Variants in SLC38A10 observed in about 807,000 individuals in gnomAD.
SLC38A10 encodes the protein Sodium-coupled neutral amino acid transporter 10.
In SLC38A10, 53 loss-of-function variants were observed where a neutral mutation model predicts 81.0. That is an observed-to-expected ratio of 0.65 (90% confidence interval 0.53 to 0.82). The LOEUF (loss-of-function observed/expected upper bound fraction) is 0.82, where lower values mean the gene tolerates loss of function less well. Ranked by LOEUF, SLC38A10 falls within the 40% of genes least tolerant of loss-of-function variation. The probability of loss-of-function intolerance (pLI) is 0.00; values close to 1 mark genes in which losing one functional copy is unlikely to be tolerated. For synonymous variants in SLC38A10, 665 were observed against 655.3 expected (o/e 1.01, Z -0.23); for missense variants, 1,471 against 1,545.0 (o/e 0.95, Z 0.80).
At chr17:81,291,199 G>A (rs750377089) in intron 1 of SLC38A10, among the ~76,000 whole-genome samples, 9 of 151,444 alleles carry the variant, frequency 5.9e-5, no homozygotes, top group African/African-American at 1.5e-4. Context: ...ACATAAGTCC[G>A]GCTGGGCACA....
At position 81,246,423 on chromosome 17, in the gene SLC38A10, G is replaced by A. The variant is rs2062852000; in HGVS notation, c.2493C>T (p.Ala831=). 6.3e-7 allele frequency: 1 copy of A among 1,599,964 alleles called. No homozygotes were observed. The highest frequency in any genetic ancestry group is 8.5e-7 in the Non-Finnish European group (1 of 1,174,328). The change falls in exon 16 of 16, where the codon GCC becomes GCT. Residue 831 remains alanine (A), a synonymous_variant. Transcript: ENST00000374759. ...GPDTEPRAAQ[A]KLRDGQKDAA... ...CATCCTTCTGGCCATCTCTCAGCTTGGCCTGGGCTGCCCGAGGCTCTGTGT... is the reference window on the plus strand; with the variant it reads ...CATCCTTCTGGCCATCTCTCAGCTTAGCCTGGGCTGCCCGAGGCTCTGTGT...
Position 81,250,009 on chromosome 17 carries a change from G to A in SLC38A10, c.2065+1484C>T, listed in dbSNP as rs557803482. 1.8e-4 allele frequency: 224 copies of A among 1,273,706 alleles called. 4 individuals are homozygous for A. In the African/African-American group the frequency reaches 3.0e-3, roughly 17 times the overall value. 78.9% of individuals were successfully genotyped at this position (1,273,706 alleles called of 1,614,324 possible). ...GGCAGGTGTGCCACCGAGGGGCTGCGCTCAGGTCTGTGGCCCGCCAGACAG... is the reference window on the plus strand; with the variant it reads ...GGCAGGTGTGCCACCGAGGGGCTGCACTCAGGTCTGTGGCCCGCCAGACAG... On this transcript the variant is annotated intron_variant, in intron 14 of 15. Transcript: ENST00000374759.
chr17:81,284,697 G>A (rs1003031656), intron 3 of SLC38A10, among the ~76,000 whole-genome samples, 153 bp downstream of exon 3: 18 of 152,074 alleles, frequency 1.2e-4, no homozygotes, highest in Non-Finnish European at 2.5e-4. Flanking sequence ...AACACTGAAG[G>A]GTACAAGTAA....
rs765352390 is a variant in SLC38A10 at position 81,282,299 on chromosome 17, C to A, written c.391G>T (p.Ala131Ser). The stretch of plus-strand genomic sequence containing the variant: ...GGGAGCACGATGCACAGCGACACGG[C>A]GAACAGCAGGAACATGCGGAAGGTG... ...GGTFRMFLLF[A>S]VSLCIVLPLS... The change falls in exon 5 of 16, where the codon GCC (alanine) becomes TCC (serine). Residue 131 changes from alanine (A) to serine (S), a missense_variant. Coordinates refer to ENST00000374759, the MANE Select transcript of SLC38A10 (RefSeq NM_001037984.3). 2 of 1,613,186 alleles carry A rather than the reference C, an allele frequency of 1.2e-6. No individual in the cohort carries two copies. The highest frequency in any genetic ancestry group is 1.7e-6 in the Non-Finnish European group (2 of 1,179,946).
intron 8 of SLC38A10, among the ~76,000 whole-genome samples, chr17:81,275,718 C>T (rs370870317): frequency 2.3e-4 from 20 of 88,574 alleles, no homozygotes; most frequent in African/African-American, 1.6e-3. Flanking sequence ...GGCGACAGAG[C>T]GAAACTCCGT....
Position 81,265,840 on chromosome 17 carries a change from C to T in SLC38A10, c.1131+5078G>A, listed in dbSNP as rs1182315662. Among the ~76,000 whole-genome samples the T allele has an allele frequency of 6.6e-6, 1 of 152,222 alleles. No homozygotes were observed. Among genetic ancestry groups the T allele is most frequent in the Non-Finnish European group, 1.5e-5 (1 of 68,038 alleles). On this transcript the variant is annotated intron_variant, in intron 10 of 15. Coordinates refer to ENST00000374759, the MANE Select transcript of SLC38A10 (RefSeq NM_001037984.3). The surrounding 1 kb of genome is among the most constrained non-coding windows in gnomAD (Gnocchi z 4.2). Reference sequence around the variant, plus strand: ...GGTCCGCTGGCCCCACGACCTACTGCGGAGCCGTAGGAGCGCTGGGGACAG... The same window carrying T: ...GGTCCGCTGGCCCCACGACCTACTGTGGAGCCGTAGGAGCGCTGGGGACAG...
chr17:81,269,695 C>G (rs1319278031), intron 10 of SLC38A10, among the ~76,000 whole-genome samples: 2 of 152,010 alleles, frequency 1.3e-5, no homozygotes, highest in Non-Finnish European at 1.5e-5. Flanking sequence ...AAAAACTTAT[C>G]AGGTTGAGGC....
chr17:81,260,126 C>T (rs889837036), intron 11 of SLC38A10, 112 bp downstream of exon 11: 4 of 1,351,916 alleles, frequency 3.0e-6, no homozygotes, highest in Non-Finnish European at 4.0e-6. Flanking sequence ...GCTGGCTGCA[C>T]CCACACAGGA....
At position 81,272,578 on chromosome 17, in the gene SLC38A10, A is replaced by T. The variant is rs375789096; in HGVS notation, c.962T>A (p.Phe321Tyr). 5.7e-6 allele frequency: 9 copies of T among 1,590,422 alleles called. No individual in the cohort carries two copies. Among genetic ancestry groups the T allele is most frequent in the African/African-American group, 1.4e-5 (1 of 73,586 alleles). ...AAGGYMPPLRFKALTLSVVFG... is the reference protein window; with the variant it reads ...AAGGYMPPLRYKALTLSVVFG... ...CACCACAGAGAGGGTAAGTGCTTTA[A>T]ACCGGAGAGGGGGCATGTAGCCCCC... Residue 321 changes from phenylalanine to tyrosine, a missense_variant, in exon 9 of 16, where the codon TTT becomes TAT. Phe to Tyr is a conservative substitution (Grantham distance 22). Transcript: ENST00000374759.
rs146264195 is a variant in SLC38A10 at position 81,276,104 on chromosome 17, G to C, written c.777C>G (p.Asn259Lys). The C allele has an allele frequency of 6.2e-7, 1 of 1,613,774 alleles. No individual in the cohort carries two copies. The highest frequency in any genetic ancestry group is 8.5e-7 in the Non-Finnish European group (1 of 1,179,910). ...GGTTGGAGGGAAAGTGCATGAGCACGTTGCCGGCCGTGGCCTCGGTGAAGC... is the reference window on the plus strand; with the variant it reads ...GGTTGGAGGGAAAGTGCATGAGCACCTTGCCGGCCGTGGCCTCGGTGAAGC... ...YVSFTEATAG[N>K]VLMHFPSNLV... The change falls in exon 8 of 16, where the codon AAC becomes AAG. Residue 259 changes from asparagine (N) to lysine (K), a missense_variant. Asn to Lys is a moderately conservative substitution (Grantham distance 94). Transcript: ENST00000374759. The surrounding 1 kb of genome is among the most constrained non-coding windows in gnomAD (Gnocchi z 4.7).
Position 81,295,049 on chromosome 17 carries a change from G to A in SLC38A10, c.-128C>T. Reference sequence around the variant, plus strand: ...CGGGACGCCGGTGGGGAGGGGATGGGCAGCCTGAACACGGGAGCCTGAGCA... The same window carrying A: ...CGGGACGCCGGTGGGGAGGGGATGGACAGCCTGAACACGGGAGCCTGAGCA... On this transcript the variant is annotated 5_prime_UTR_variant, in exon 1 of 16. Coordinates refer to ENST00000374759, the MANE Select transcript of SLC38A10 (RefSeq NM_001037984.3). 1.5e-6 allele frequency: 2 copies of A among 1,341,670 alleles called. No homozygotes were observed. The highest frequency in any genetic ancestry group is 1.9e-6 in the Non-Finnish European group (2 of 1,043,390). The allele number at this position is 1,341,670 out of a possible 1,614,324, so 83.1% of individuals were successfully genotyped here. A position where few individuals can be genotyped will look rare whatever the true frequency, so the allele number is the denominator to read the frequency against.
rs1366013859 is a variant in SLC38A10, at chr17:81,286,442, C to G, written c.218-1547G>C. Among the ~76,000 whole-genome samples the G allele has an allele frequency of 3.3e-5, 5 of 152,182 alleles. No homozygotes were observed. Among genetic ancestry groups the G allele is most frequent in the African/African-American group, 4.8e-5 (2 of 41,438 alleles). On this transcript the variant is annotated intron_variant, in intron 2 of 15. Coordinates refer to ENST00000374759, the MANE Select transcript of SLC38A10 (RefSeq NM_001037984.3). The surrounding 1 kb of genome is among the most constrained non-coding windows in gnomAD (Gnocchi z 6.0). ...CCTTCTTTTCCCCACCTGGGCCAAACCCTCACCCGCCATTCCCAGTGTCAA... is the reference window on the plus strand; with the variant it reads ...CCTTCTTTTCCCCACCTGGGCCAAAGCCTCACCCGCCATTCCCAGTGTCAA...
rs1326345595 is a variant in SLC38A10 at position 81,276,247 on chromosome 17, G to GC, written c.730-97dup. ...AGGGCATGGGGGGGACCTGTGCCCT[G>GC]CCCCCCAGAATGGCCTTCAATCCAC... On this transcript the variant is annotated intron_variant, in intron 7 of 15. Transcript: ENST00000374759. This position sits in a 1 kb window ranked among gnomAD's most constrained non-coding sequence, Gnocchi z 4.7. 5.0e-6 allele frequency: 6 copies of GC among 1,195,892 alleles called. No homozygotes were observed. The highest frequency in any genetic ancestry group is 3.1e-5 in the African/African-American group (2 of 64,320). 74.1% of individuals were successfully genotyped at this position (1,195,892 alleles called of 1,614,324 possible). A position where few individuals can be genotyped will look rare whatever the true frequency, so the allele number is the denominator to read the frequency against.
intron 8 of SLC38A10, among the ~76,000 whole-genome samples, chr17:81,274,649 G>A (rs985090747): frequency 2.0e-5 from 3 of 152,196 alleles, no homozygotes; most frequent in South Asian, 2.1e-4. Flanking sequence ...GCAGAGTGGC[G>A]TCTGCACCCC....
rs150605131 is a variant in SLC38A10 at position 81,278,042 on chromosome 17, C to T, written c.627-909G>A. Among the ~76,000 whole-genome samples, 621 of 149,106 alleles carry T rather than the reference C, an allele frequency of 4.2e-3. 12 individuals carry two copies. The highest frequency in any genetic ancestry group is 0.015 in the African/African-American group (587 of 39,762). The stretch of plus-strand genomic sequence containing the variant: ...GGAAGCTAGGTGGGCCGGGGGAGGG[C>T]GGGATGCAGAAAGCCAGCAGCCAGT... On this transcript the variant is annotated intron_variant, in intron 6 of 15. Transcript: ENST00000374759.
rs1373381266 is a variant in SLC38A10 at position 81,289,733 on chromosome 17, T to C, written c.175A>G (p.Lys59Glu). The change falls in exon 2 of 16, where the codon AAG becomes GAG. Residue 59 changes from lysine to glutamate, a missense_variant. By Grantham distance (56) the Lys-to-Glu change is moderately conservative. Coordinates refer to ENST00000374759, the MANE Select transcript of SLC38A10 (RefSeq NM_001037984.3). The surrounding 1 kb of genome is among the most constrained non-coding windows in gnomAD (Gnocchi z 5.9). ...CTCCGCTTGCTCAGGCTGGCCGACT[T>C]CACCAAGAACATGCACGACTGGTGC... ...MTHQSCMFLVKSASLSKRRTY... is the reference protein window; with the variant it reads ...MTHQSCMFLVESASLSKRRTY... 1 of 1,611,380 alleles carries C rather than the reference T, an allele frequency of 6.2e-7. No individual in the cohort carries two copies.
chr17:81,286,335 C>G lies in SLC38A10; in HGVS notation c.218-1440G>C, dbSNP rs1210311850. Among the ~76,000 whole-genome samples the G allele has an allele frequency of 5.3e-5, 8 of 152,308 alleles. No individual in the cohort carries two copies. Among genetic ancestry groups the G allele is most frequent in the Admixed American group, 5.2e-4 (8 of 15,302 alleles). On this transcript the variant is annotated intron_variant, in intron 2 of 15. Coordinates refer to ENST00000374759, the MANE Select transcript of SLC38A10 (RefSeq NM_001037984.3). The surrounding 1 kb of genome is among the most constrained non-coding windows in gnomAD (Gnocchi z 6.0). ...CTGGCAAGGGAAAATGGGAGGCTGT[C>G]TAGGAAATCAGGGCAGCACTCTCTT...
At chr17:81,285,270 T>C in intron 2 of SLC38A10, 1 of 192,380 alleles carries the variant, frequency 5.2e-6, no homozygotes, top group Non-Finnish European at 1.1e-5. Flanking sequence ...GGCCAGAGCT[T>C]GCAGGTCCCC....
intron 1 of SLC38A10, among the ~76,000 whole-genome samples, chr17:81,291,490 A>C (rs2063310171): frequency 6.6e-6 from 1 of 151,348 alleles, no homozygotes; most frequent in South Asian, 2.1e-4. Flanking sequence ...CCATCTCAAA[A>C]AAAAAAAAAA....
Sources: allele counts gnomAD v4.1 joint callset (sites outside exome capture counted in the v4.1 genomes callset), GRCh38; gene constraint gnomAD v4.1.1; non-coding constraint Gnocchi (gnomAD v3.1); transcripts MANE v1.5; gene names NCBI Gene and HGNC (gene_info 2026-07-23, HGNC 2026-07-21).